The following F8 variants were observed in gnomAD, a reference collection of about 807,000 sequenced individuals.
F8 encodes the protein coagulation factor VIII.
F8 carries 12 observed loss-of-function variants against 140.6 expected under a neutral mutation model. The observed-to-expected ratio is 0.09, with a 90% CI of 0.05 to 0.14. The LOEUF (loss-of-function observed/expected upper bound fraction) is 0.14. F8 is among the 10% of genes least tolerant of loss of function. The pLI is 1.00. For missense variants in F8, 1,354 were observed against 1,720.7 expected (o/e 0.79, Z 3.77); for synonymous variants, 585 against 614.6 (o/e 0.95, Z 0.71).
At chrX:154,925,265 C>A (rs1481812002) in intron 14 of F8, among the ~76,000 whole-genome samples, 1 of 112,036 alleles carries the variant, frequency 8.9e-6, no homozygotes, top group African/African-American at 3.2e-5. Flanking sequence ...TGCCTGGATG[C>A]CCAGGCAGAA....
chrX:155,021,707 C>G (rs1431621443), intron 1 of F8, among the ~76,000 whole-genome samples: 1 of 111,619 alleles, frequency 9.0e-6, no homozygotes, highest in Non-Finnish European at 1.9e-5. Context: ...TAACTACAGA[C>G]ACAGAACAGT....
chrX:154,993,261 TTTGTTG>T (rs1226840424), intron 3 of F8, 113 bp from the exon 4 acceptor site: 3 of 632,120 alleles, frequency 4.7e-6, no homozygotes, highest in African/African-American at 4.4e-5. Flanking sequence ...TTTCTGCATC[TTTGTTG>T]TTGTTGTTGT....
intron 25 of F8, among the ~76,000 whole-genome samples, chrX:154,859,013 G>T (rs1557272620): frequency 8.9e-6 from 1 of 112,089 alleles, no homozygotes; most frequent in African/African-American, 3.3e-5. Context: ...AATGTGGGAG[G>T]CATCATCCAA....
chrX:154,918,144 C>G (rs1033367055), intron 14 of F8, among the ~76,000 whole-genome samples: 1 of 111,604 alleles, frequency 9.0e-6, no homozygotes, highest in Non-Finnish European at 1.9e-5. Flanking sequence ...CTAGATGGTG[C>G]TGTAAGCCCA....
At chrX:154,856,466 T>C (rs2072652002) in intron 25 of F8, among the ~76,000 whole-genome samples, 1 of 112,704 alleles carries the variant, frequency 8.9e-6, no homozygotes, top group South Asian at 3.6e-4. Context: ...GTTAGAATAG[T>C]ATGACTTGCA....
At position 154,837,302 on chromosome X, in the gene F8, C is replaced by T. The variant is rs2072481342; in HGVS notation, c.*295G>A. ...GGTGACTCTGAGAGGCCTAACTTTT[C>T]AGGGAAGAATGCTTTCATGCAGGTT... On this transcript the variant is annotated 3_prime_UTR_variant, in exon 26 of 26. Coordinates refer to ENST00000360256, the MANE Select transcript of F8 (RefSeq NM_000132.4). 1.2e-5 allele frequency: 4 copies of T among 333,864 alleles called. No individual in the cohort carries two copies. In the South Asian group the frequency reaches 1.8e-4, roughly 15 times the overall value. The allele number at this position is 333,864 out of a possible 1,213,427, so 27.5% of individuals were successfully genotyped here.
chrX:154,912,396 G>A (rs782252286), intron 14 of F8, among the ~76,000 whole-genome samples: 3 of 112,324 alleles, frequency 2.7e-5, no homozygotes, highest in Non-Finnish European at 5.6e-5. Context: ...AGAGATAGGG[G>A]TTTAGTTTAA....
chrX:155,002,784 C>T (rs973096932), intron 1 of F8, among the ~76,000 whole-genome samples: 6 of 111,880 alleles, frequency 5.4e-5, no homozygotes, highest in Middle Eastern at 4.6e-3. Context: ...TTTAGAGAAA[C>T]TGCCCTATTG....
Position 154,961,101 on chromosome X carries a change from G to A in F8, c.1511C>T (p.Pro504Leu). 8.3e-7 allele frequency: 1 copy of A among 1,202,005 alleles called. No homozygotes were observed. The change falls in exon 10 of 26, where the codon CCT (proline) becomes CTT (leucine). Residue 504 changes from proline to leucine, a missense_variant. Around this residue, in one of 4 missense-constraint regions of F8, gnomAD observed 252 missense variants for 338.5 expected, o/e 0.74. Transcript: ENST00000360256. ...IYPHGITDVRPLYSRRLPKGV... is the reference protein window; with the variant it reads ...IYPHGITDVRLLYSRRLPKGV... ...TTTTGGTAATCTCCTTGAATACAAAGGACGGACATCAGTGATTCCGTGAGG... is the reference window on the plus strand; with the variant it reads ...TTTTGGTAATCTCCTTGAATACAAAAGACGGACATCAGTGATTCCGTGAGG...
chrX:154,868,080 T>C (rs2072745629), intron 22 of F8, among the ~76,000 whole-genome samples: 1 of 112,204 alleles, frequency 8.9e-6, no homozygotes, highest in Non-Finnish European at 1.9e-5. Context: ...GCTGATATCA[T>C]AACCAAATGT....
chrX:154,988,136 G>A (rs1557284402), intron 4 of F8, among the ~76,000 whole-genome samples: 2 of 111,853 alleles, frequency 1.8e-5, no homozygotes. Flanking sequence ...CTCACTGAAT[G>A]CCAACTATTT....
intron 14 of F8, among the ~76,000 whole-genome samples, chrX:154,921,934 T>C (rs976804069): frequency 4.5e-5 from 5 of 110,888 alleles, no homozygotes; most frequent in African/African-American, 1.6e-4. Context: ...ATGTAAATGA[T>C]GAGTTAATGG....
At chrX:154,985,914 A>G (rs1004192586) in intron 5 of F8, among the ~76,000 whole-genome samples, 8 of 112,426 alleles carry the variant, frequency 7.1e-5, no homozygotes, top group Non-Finnish European at 1.5e-4. Context: ...AGGGAAAAAG[A>G]TATGAGATCA....
chrX:154,936,202 C>T (rs1776093977), intron 13 of F8, among the ~76,000 whole-genome samples: 1 of 111,232 alleles, frequency 9.0e-6, no homozygotes. Context: ...TGTAATAAAA[C>T]AAAAACAACA....
At chrX:154,934,789 G>A (rs1454909586) in intron 13 of F8, among the ~76,000 whole-genome samples, 6 of 110,986 alleles carry the variant, frequency 5.4e-5, no homozygotes, top group African/African-American at 2.0e-4. Context: ...AACTTTCTGC[G>A]AAAAGTTTAT....
intron 23 of F8, 78 bp from the exon 24 acceptor site, chrX:154,861,944 T>A: frequency 4.9e-6 from 5 of 1,010,546 alleles, no homozygotes; most frequent in Non-Finnish European, 7.0e-6. Context: ...CCACTGATAT[T>A]CTAGGGCTAC....
At chrX:154,881,253 A>C in intron 22 of F8, among the ~76,000 whole-genome samples, 1 of 85,169 alleles carries the variant, frequency 1.2e-5, no homozygotes, top group Non-Finnish European at 2.2e-5. Flanking sequence ...AGCATGGCAT[A>C]ATAGAACCTC....
At chrX:154,974,467 C>T (rs1430725153) in intron 6 of F8, among the ~76,000 whole-genome samples, 2 of 111,980 alleles carry the variant, frequency 1.8e-5, no homozygotes, top group Admixed American at 1.9e-4. Flanking sequence ...ATAAATCCCA[C>T]CTGATCATGG....
chrX:154,987,285 T>C lies in F8; in HGVS notation c.622A>G (p.Thr208Ala). 8.3e-7 allele frequency: 1 copy of C among 1,210,444 alleles called. No individual in the cohort carries two copies. The highest frequency in any genetic ancestry group is 1.1e-6 in the Non-Finnish European group (1 of 894,138). The change falls in exon 5 of 26, where the codon ACA becomes GCA. Residue 208 changes from threonine (T) to alanine (A), a missense_variant. By Grantham distance (58) the Thr-to-Ala change is moderately conservative (BLOSUM62 0). Transcript: ENST00000360256. ...AGTATAAATTTGTGCAAGGTCTGTG[T>C]CTTTTCCTTGGCCAGACTCCCTGAA... Reference protein sequence around the residue: ...CREGSLAKEKTQTLHKFILLF... With the variant: ...CREGSLAKEKAQTLHKFILLF...
Sources: allele counts gnomAD v4.1 joint callset (sites outside exome capture counted in the v4.1 genomes callset), GRCh38; gene constraint gnomAD v4.1.1; regional missense constraint gnomAD v4.1.1; transcripts MANE v1.5; gene names NCBI Gene and HGNC (gene_info 2026-07-23, HGNC 2026-07-21).